The following FBRSL1 variants were observed in gnomAD, a reference collection of about 807,000 sequenced individuals.
FBRSL1 encodes fibrosin-1-like protein.
Under a neutral mutation model 89.6 loss-of-function variants are expected in FBRSL1, and 51 were observed. The observed-to-expected ratio is 0.57, with a 90% CI of 0.45 to 0.72. The LOEUF is 0.72. FBRSL1 is among the 30% of genes least tolerant of loss of function. The pLI is 0.00. For synonymous variants in FBRSL1, 779 were observed against 681.1 expected, an observed-to-expected ratio of 1.14 and a Z score of -2.24; for missense variants, 1,618 against 1,451.8, an observed-to-expected ratio of 1.11 and a Z score of -1.86.
intron 2 of FBRSL1, among the ~76,000 whole-genome samples, chr12:132,525,354 C>T (rs111913048): frequency 9.2e-5 from 14 of 152,342 alleles, no homozygotes; most frequent in African/African-American, 3.1e-4. Flanking sequence ...GCCTGTGGTC[C>T]CTAGCACCCC....
At chr12:132,541,468 G>T (rs1293765418) in intron 4 of FBRSL1, among the ~76,000 whole-genome samples, 2 of 152,208 alleles carry the variant, frequency 1.3e-5, no homozygotes, top group Non-Finnish European at 2.9e-5. Flanking sequence ...CCAGCTGCGT[G>T]GGGTGAGTGC....
chr12:132,525,140 C>A (rs568580788), intron 2 of FBRSL1, among the ~76,000 whole-genome samples: 6 of 152,304 alleles, frequency 3.9e-5, no homozygotes, highest in Non-Finnish European at 8.8e-5. Flanking sequence ...ACGGGGAGGC[C>A]GAGCAGTGGC....
intron 2 of FBRSL1, among the ~76,000 whole-genome samples, chr12:132,515,368 CT>C (rs1372416042): frequency 1.3e-5 from 2 of 152,152 alleles, no homozygotes; most frequent in African/African-American, 4.8e-5. Context: ...AGGTCCTTAG[CT>C]TCCACCTCCT....
chr12:132,492,553 G>C (rs11147223), intron 1 of FBRSL1, among the ~76,000 whole-genome samples: 1 of 152,152 alleles, frequency 6.6e-6, no homozygotes, highest in Non-Finnish European at 1.5e-5. Context: ...TCTGAGTGAG[G>C]AGATGAACTG....
chr12:132,561,133 C>T (rs1323049998), intron 5 of FBRSL1, among the ~76,000 whole-genome samples: 2 of 152,200 alleles, frequency 1.3e-5, no homozygotes, highest in Non-Finnish European at 2.9e-5. Flanking sequence ...TGTTCAGGTT[C>T]TCACTGTGAG....
chr12:132,516,192 CTTTT>C (rs1253503503), intron 2 of FBRSL1, among the ~76,000 whole-genome samples: 1 of 140,304 alleles, frequency 7.1e-6, no homozygotes, highest in Admixed American at 7.2e-5. Flanking sequence ...TCCGAATAGT[CTTTT>C]TTTTTTTTTT....
intron 5 of FBRSL1, among the ~76,000 whole-genome samples, chr12:132,561,966 C>T (rs890844053): frequency 3.9e-5 from 6 of 152,146 alleles, no homozygotes; most frequent in African/African-American, 9.7e-5. Context: ...GGGATGGGCA[C>T]GGCCAAGGAG....
At chr12:132,501,417 G>A (rs764740756) in intron 1 of FBRSL1, among the ~76,000 whole-genome samples, 4 of 152,202 alleles carry the variant, frequency 2.6e-5, no homozygotes, top group East Asian at 3.9e-4. Context: ...AGGCTGCTGC[G>A]TGGGATCGCC....
At chr12:132,542,244 C>T (rs574504407) in intron 4 of FBRSL1, among the ~76,000 whole-genome samples, 104 of 152,320 alleles carry the variant, frequency 6.8e-4, no homozygotes, top group African/African-American at 2.3e-3. Flanking sequence ...TGGGTGGGCA[C>T]GCGAGGCTCA....
chr12:132,511,996 T>C, intron 2 of FBRSL1: 6 of 985,490 alleles, frequency 6.1e-6, no homozygotes, highest in Non-Finnish European at 7.2e-6. Context: ...GTGTCTTACG[T>C]GATTTATTCC....
At chr12:132,512,009 C>T in intron 2 of FBRSL1, 5 of 985,470 alleles carry the variant, frequency 5.1e-6, no homozygotes, top group Non-Finnish European at 6.0e-6. Context: ...TTTATTCCCA[C>T]AAAGGGCTTT....
rs1307907282 is a variant in FBRSL1 at position 132,570,424 on chromosome 12, C to T, written c.1097C>T (p.Ala366Val). ...CCCCACCTGTCTACCTCACACCTGGCGCTCCGGTCCCAGGCGCAGCACCAG... is the reference window on the plus strand; with the variant it reads ...CCCCACCTGTCTACCTCACACCTGGTGCTCCGGTCCCAGGCGCAGCACCAG... ...PGPHLSTSHL[A>V]LRSQAQHQLH... Residue 366 changes from alanine (A) to valine (V), a missense_variant, in exon 8 of 19, where the codon GCG (alanine) becomes GTG (valine). By Grantham distance (64) the Ala-to-Val change is moderately conservative. Transcript: ENST00000680143. 6 of 1,534,680 alleles carry T rather than the reference C, an allele frequency of 3.9e-6. No homozygotes were observed. Among genetic ancestry groups the T allele is most frequent in the Admixed American group, 2.0e-5 (1 of 50,878 alleles).
intron 15 of FBRSL1, among the ~76,000 whole-genome samples, chr12:132,579,338 C>T (rs919711601): frequency 6.6e-6 from 1 of 152,216 alleles, no homozygotes; most frequent in Admixed American, 6.5e-5. Flanking sequence ...ATTTTCCTAT[C>T]CCTGATCATG....
At chr12:132,502,835 C>A (rs1173389706) in intron 1 of FBRSL1, among the ~76,000 whole-genome samples, 3 of 130,390 alleles carry the variant, frequency 2.3e-5, no homozygotes, top group Non-Finnish European at 5.0e-5. Context: ...CTGTCCTCAC[C>A]CTCTCCTGTC....
chr12:132,578,991 T>C (rs2040568049), intron 15 of FBRSL1, among the ~76,000 whole-genome samples: 1 of 152,174 alleles, frequency 6.6e-6, no homozygotes, highest in East Asian at 1.9e-4. Context: ...ACGTGCTCAG[T>C]GTGGCGCCCA....
chr12:132,547,945 C>T (rs1003732563), intron 4 of FBRSL1, 58 bp from the exon 5 acceptor site: 17 of 1,543,728 alleles, frequency 1.1e-5, no homozygotes, highest in East Asian at 4.9e-5. Context: ...TGCCGTGCCC[C>T]GGGGGGTGAC....
chr12:132,577,016 G>C, intron 15 of FBRSL1, 85 bp downstream of exon 15: 1 of 1,485,322 alleles, frequency 6.7e-7, no homozygotes. Flanking sequence ...CCAGGAGTGA[G>C]AGCGCTCTCT....
At chr12:132,509,262 C>A in intron 2 of FBRSL1, 2 of 1,253,998 alleles carry the variant, frequency 1.6e-6, no homozygotes, top group Non-Finnish European at 2.0e-6. Context: ...CCAGTCCAGC[C>A]AGCCCCAGGG....
intron 14 of FBRSL1, among the ~76,000 whole-genome samples, chr12:132,575,062 A>AG (rs2040293839): frequency 6.6e-6 from 1 of 151,968 alleles, no homozygotes; most frequent in Non-Finnish European, 1.5e-5. Flanking sequence ...GGAGCGGGAG[A>AG]GGGTCCTGGG....
Sources: gnomAD v4.1 joint callset for allele counts (sites outside exome capture counted in the v4.1 genomes callset) on GRCh38, gnomAD v4.1.1 for gene constraint, MANE v1.5 for transcripts, NCBI Gene and HGNC (gene_info 2026-07-23, HGNC 2026-07-21) for gene names.